WFDC10B: variants seen among roughly 807,000 people sequenced by gnomAD.
The protein encoded by WFDC10B is protein WFDC10B.
A neutral mutation model predicts 2.7 loss-of-function variants in WFDC10B; 1 was observed. The ratio of observed to expected loss-of-function variants is 0.38; its 90% confidence interval spans 0.13 to 1.79. WFDC10B has a LOEUF of 1.79. Among genes scored for constraint, WFDC10B ranks in the 40% most tolerant of loss-of-function variants. WFDC10B has a pLI of 0.33. For missense variants in WFDC10B, 71 were observed against 87.8 expected (o/e 0.81, Z 0.76); for synonymous variants, 26 against 32.2 (o/e 0.81, Z 0.65).
chr20:45,697,742 C>CTTTTTTTT (rs1162470530), intron 2 of WFDC10B, among the ~76,000 whole-genome samples: 9 of 113,408 alleles, frequency 7.9e-5, no homozygotes, highest in African/African-American at 3.1e-4. Context: ...ATTTCTTTTT[C>CTTTTTTTT]TTTTTTTTTT....
chr20:45,697,695 G>A lies in WFDC10B; in HGVS notation c.-65+6802C>T, dbSNP rs993478684. Among the ~76,000 whole-genome samples, 7 of 150,202 alleles carry A rather than the reference G, an allele frequency of 4.7e-5. No homozygotes were observed. In the East Asian group the frequency reaches 5.9e-4, roughly 13 times the overall value. ...TTGGAAGACTTAAAATTATTAAGAC[G>A]GCATTACAATGCAATTCCAATCAAG... is the stretch of plus-strand genomic sequence containing the variant. On this transcript the variant is annotated intron_variant, in intron 2 of 3. Coordinates refer to ENST00000330523, the MANE Select transcript of WFDC10B (RefSeq NM_172006.2).
At chr20:45,695,293 C>A (rs1277711836) in intron 2 of WFDC10B, among the ~76,000 whole-genome samples, 1 of 152,156 alleles carries the variant, frequency 6.6e-6, no homozygotes, top group African/African-American at 2.4e-5. Flanking sequence ...AATTTTGGAA[C>A]ACCCAGTTGG....
At chr20:45,702,582 T>C (rs1244881994) in intron 2 of WFDC10B, among the ~76,000 whole-genome samples, 1 of 152,234 alleles carries the variant, frequency 6.6e-6, no homozygotes. Context: ...GGACTCACTT[T>C]TCAAGCAATA....
chr20:45,688,231 T>A lies in WFDC10B; in HGVS notation c.-64-2175A>T, dbSNP rs1600953709. On this transcript the variant is annotated intron_variant, in intron 2 of 3. Coordinates refer to ENST00000330523, the MANE Select transcript of WFDC10B (RefSeq NM_172006.2). ...ATCATTTTTTATGGCTGCATAGTATTCCATGGTGTATATGTGCCACATTTT... is the reference window on the plus strand; with the variant it reads ...ATCATTTTTTATGGCTGCATAGTATACCATGGTGTATATGTGCCACATTTT... Among the ~76,000 whole-genome samples, 3 of 152,168 alleles carry A rather than the reference T, an allele frequency of 2.0e-5. No individual in the cohort carries two copies. The South Asian group carries it at 6.2e-4, about 32-fold the overall frequency.
chr20:45,686,201 G>T, intron 2 of WFDC10B, 145 bp from the exon 3 acceptor site: 2 of 934,320 alleles, frequency 2.1e-6, no homozygotes, highest in Non-Finnish European at 3.0e-6. Flanking sequence ...TAGGGCTTCT[G>T]CAGGAATGAT....
chr20:45,702,293 T>A (rs1051585297), intron 2 of WFDC10B: 1 of 1,385,598 alleles, frequency 7.2e-7, no homozygotes, highest in Non-Finnish European at 1.0e-6. Context: ...CTGTCACACC[T>A]CTTGGAAAAA....
At chr20:45,698,283 C>T (rs1436156755) in intron 2 of WFDC10B, among the ~76,000 whole-genome samples, 2 of 152,108 alleles carry the variant, frequency 1.3e-5, no homozygotes, top group South Asian at 2.1e-4. Context: ...ATTCACACTT[C>T]CTGATTCAAA....
chr20:45,701,926 A>G, intron 2 of WFDC10B: 1 of 569,026 alleles, frequency 1.8e-6, no homozygotes, highest in Non-Finnish European at 3.2e-6. Flanking sequence ...GGATATGAAA[A>G]CACTACGTGA....
chr20:45,701,284 G>C (rs527570764), intron 2 of WFDC10B, among the ~76,000 whole-genome samples: 1 of 152,130 alleles, frequency 6.6e-6, no homozygotes, highest in Admixed American at 6.5e-5. Context: ...AAAAGTAAAC[G>C]CCTATAGGGG....
intron 2 of WFDC10B, among the ~76,000 whole-genome samples, chr20:45,697,559 C>T (rs1024875749): frequency 6.6e-6 from 1 of 151,560 alleles, no homozygotes; most frequent in African/African-American, 2.4e-5. Context: ...GCCATGTTGC[C>T]CAGGCTGATC....
At chr20:45,696,608 G>C (rs1281455913) in intron 2 of WFDC10B, among the ~76,000 whole-genome samples, 1 of 151,866 alleles carries the variant, frequency 6.6e-6, no homozygotes, top group East Asian at 1.9e-4. Context: ...AATTATAAGA[G>C]AATACTATGA....
At position 45,704,992 on chromosome 20, in the gene WFDC10B, C is replaced by A; in HGVS notation, c.-204G>T. Reference sequence around the variant, plus strand: ...TTGCCCTCCTTTCACAAGACACCATCCTTTGGCCACCAGTGTTCTTGGGCT... The same window carrying A: ...TTGCCCTCCTTTCACAAGACACCATACTTTGGCCACCAGTGTTCTTGGGCT... On this transcript the variant is annotated 5_prime_UTR_variant, in exon 1 of 4. Transcript: ENST00000330523. 2 of 1,614,140 alleles carry A rather than the reference C, an allele frequency of 1.2e-6. No homozygotes were observed. Among genetic ancestry groups the A allele is most frequent in the Non-Finnish European group, 1.7e-6 (2 of 1,180,012 alleles).
In WFDC10B at chr20:45,688,861, A is replaced by T. The variant is rs541735158; in HGVS notation, c.-64-2805T>A. ...TTAGTTTAATTAGATCCCATTTGTC[A>T]ATTTTGGCTTTTGTTTCCATTGCTT... On this transcript the variant is annotated intron_variant, in intron 2 of 3. Coordinates refer to ENST00000330523, the MANE Select transcript of WFDC10B (RefSeq NM_172006.2). 7.2e-5 allele frequency among the ~76,000 whole-genome samples: 11 copies of T among 152,080 alleles called. No individual in the cohort carries two copies. The East Asian group carries it at 2.1e-3, about 29-fold the overall frequency.
At chr20:45,692,895 A>G (rs544344451) in intron 2 of WFDC10B, among the ~76,000 whole-genome samples, 2 of 152,168 alleles carry the variant, frequency 1.3e-5, no homozygotes, top group East Asian at 3.9e-4. Context: ...TTGGAGGAGG[A>G]GAGGTGCTGT....
intron 3 of WFDC10B, among the ~76,000 whole-genome samples, chr20:45,685,606 C>G (rs138336968): frequency 1.7e-3 from 264 of 152,314 alleles, no homozygotes; most frequent in African/African-American, 5.9e-3. Flanking sequence ...GTCTTGCTTT[C>G]CCATTGGATT....
In WFDC10B at chr20:45,684,881, A is replaced by T. The variant is rs367733067; in HGVS notation, c.171T>A (p.Asn57Lys). 80 of 1,613,872 alleles carry T rather than the reference A, an allele frequency of 5.0e-5. No homozygotes were observed. Among genetic ancestry groups the T allele is most frequent in the Non-Finnish European group, 6.6e-5 (78 of 1,179,940 alleles). Residue 57 changes from asparagine (N) to lysine (K), a missense_variant, in exon 4 of 4, where the codon AAT (asparagine) becomes AAA (lysine). Asn to Lys is a moderately conservative substitution (Grantham distance 94). Transcript: ENST00000330523. Reference sequence around the variant, plus strand: ...CACAGAAGGCTGAACAGCATATCTTATTTGTTTCACACTTTTGGAAATATG... The same window carrying T: ...CACAGAAGGCTGAACAGCATATCTTTTTTGTTTCACACTTTTGGAAATATG... ...HCSYFQKCET[N>K]KICCSAFCGN...
intron 3 of WFDC10B, among the ~76,000 whole-genome samples, chr20:45,685,488 T>G (rs1212224009): frequency 6.6e-6 from 1 of 152,146 alleles, no homozygotes; most frequent in Non-Finnish European, 1.5e-5. Flanking sequence ...TTTCATTGCT[T>G]ATGTCCTTTT....
At chr20:45,686,182 C>T (rs986332628) in intron 2 of WFDC10B, 126 bp from the exon 3 acceptor site, 5 of 1,144,812 alleles carry the variant, frequency 4.4e-6, no homozygotes, top group Middle Eastern at 2.3e-4. Context: ...TGTCCTTCTC[C>T]ATGTAGGATA....
rs1984330633 is a variant in WFDC10B, at chr20:45,704,931, C to CA, written c.-144dup. ...GGGACACTGTACCTGCAGGTGTAAC[C>CA]AAAATCCCAAAGCAAAATTTGTCCT... On this transcript the variant is annotated 5_prime_UTR_variant, in exon 1 of 4. The change creates a premature stop within an existing upstream ORF in the 5' untranslated region. Coordinates refer to ENST00000330523, the MANE Select transcript of WFDC10B (RefSeq NM_172006.2). The CA allele has an allele frequency of 6.2e-7, 1 of 1,614,108 alleles. No homozygotes were observed. Among genetic ancestry groups the CA allele is most frequent in the Non-Finnish European group, 8.5e-7 (1 of 1,180,006 alleles).
Sources: gnomAD v4.1 joint callset for allele counts (sites outside exome capture counted in the v4.1 genomes callset) on GRCh38, gnomAD v4.1.1 for gene constraint, MANE v1.5 for transcripts, NCBI Gene and HGNC (gene_info 2026-07-23, HGNC 2026-07-21) for gene names.